ZNF407: variants seen among roughly 807,000 people sequenced by gnomAD.
ZNF407 encodes the protein zinc finger protein 407.
ZNF407 carries 17 observed loss-of-function variants against 131.2 expected under a neutral mutation model. That is an observed-to-expected ratio of 0.13 (90% CI 0.09 to 0.19). The LOEUF is 0.19. ZNF407 is among the 10% of genes least tolerant of loss of function. The pLI, the probability that ZNF407 is intolerant of heterozygous loss-of-function variation, is 1.00. For missense variants in ZNF407, 2,681 were observed against 2,830.6 expected (o/e 0.95, Z 1.20); for synonymous variants, 1,156 against 1,062.0 (o/e 1.09, Z -1.72).
rs761587590 is a variant in ZNF407, at chr18:74,632,193, T to C, written c.1174T>C (p.Leu392=). ...CACCTTAGTAACCTCAGAGGGTCTC[T>C]TAGAGAAATTGGAATCTACAAAAAA... ...LDTLVTSEGL[L]EKLESTKNTL... Residue 392 remains leucine (L), a synonymous_variant, in exon 2 of 9, where the codon TTA becomes CTA. Coordinates refer to ENST00000299687, the MANE Select transcript of ZNF407 (RefSeq NM_017757.3). The C allele has an allele frequency of 3.7e-6, 6 of 1,613,926 alleles. No homozygotes were observed. Among genetic ancestry groups the C allele is most frequent in the South Asian group, 3.3e-5 (3 of 91,086 alleles).
At chr18:74,642,371 A>T (rs764897785) in intron 3 of ZNF407, among the ~76,000 whole-genome samples, 2 of 152,148 alleles carry the variant, frequency 1.3e-5, no homozygotes, top group African/African-American at 2.4e-5. Flanking sequence ...AGTTTAAAAG[A>T]TATCTCATCT....
chr18:75,037,768 C>A (rs1290092909), intron 8 of ZNF407, among the ~76,000 whole-genome samples: 3 of 152,146 alleles, frequency 2.0e-5, no homozygotes, highest in African/African-American at 7.2e-5. Context: ...GACACAGTTC[C>A]ATTTCTGTAC....
At chr18:74,919,920 C>T (rs370308123) in intron 7 of ZNF407, among the ~76,000 whole-genome samples, 2 of 152,148 alleles carry the variant, frequency 1.3e-5, no homozygotes, top group South Asian at 2.1e-4. Flanking sequence ...ATGGGCCCTC[C>T]GTTGCATTTT....
At chr18:74,962,690 C>T (rs1185969730) in intron 8 of ZNF407, among the ~76,000 whole-genome samples, 5 of 152,232 alleles carry the variant, frequency 3.3e-5, no homozygotes, top group South Asian at 2.1e-4. Context: ...TCTTCCCTCT[C>T]CTGGTGCTGG....
chr18:74,614,063 T>A lies in ZNF407; in HGVS notation c.-54+16126T>A, dbSNP rs1599130421. Among the ~76,000 whole-genome samples the A allele has an allele frequency of 2.0e-5, 3 of 152,322 alleles. No homozygotes were observed. In the East Asian group the frequency reaches 5.8e-4, roughly 29 times the overall value. Reference sequence around the variant, plus strand: ...GAATTATGGATCAGAGTTTGATATATGATTATTGGATCACTTATAAAATGA... The same window carrying A: ...GAATTATGGATCAGAGTTTGATATAAGATTATTGGATCACTTATAAAATGA... On this transcript the variant is annotated intron_variant, in intron 1 of 8. Transcript: ENST00000299687.
intron 4 of ZNF407, among the ~76,000 whole-genome samples, chr18:74,797,290 G>A (rs1313268779): frequency 6.6e-6 from 1 of 152,250 alleles, no homozygotes; most frequent in Admixed American, 6.5e-5. Flanking sequence ...AATTTAAAAG[G>A]ACAGAATTGG....
At chr18:74,953,069 A>G (rs1204074616) in intron 8 of ZNF407, among the ~76,000 whole-genome samples, 2 of 152,056 alleles carry the variant, frequency 1.3e-5, no homozygotes, top group African/African-American at 4.8e-5. Flanking sequence ...ACGGTGAGCA[A>G]GAGAGGAGCC....
At chr18:74,796,654 T>TA (rs1369623393) in intron 4 of ZNF407, among the ~76,000 whole-genome samples, 8 of 152,222 alleles carry the variant, frequency 5.3e-5, no homozygotes, top group Non-Finnish European at 4.4e-5. Context: ...TGTGAAATGT[T>TA]AAAAAAATTG....
chr18:74,772,820 C>G (rs984088486), intron 3 of ZNF407, among the ~76,000 whole-genome samples: 1 of 151,936 alleles, frequency 6.6e-6, no homozygotes, highest in Non-Finnish European at 1.5e-5. Flanking sequence ...GGGAGAGTGC[C>G]TTGTAGCTGT....
At chr18:74,736,338 C>G (rs977216183) in intron 3 of ZNF407, among the ~76,000 whole-genome samples, 4 of 151,978 alleles carry the variant, frequency 2.6e-5, no homozygotes, top group Non-Finnish European at 4.4e-5. Flanking sequence ...AAAGGGCTTT[C>G]TACATTAGAT....
At chr18:75,037,079 T>A (rs900042669) in intron 8 of ZNF407, among the ~76,000 whole-genome samples, 3 of 152,230 alleles carry the variant, frequency 2.0e-5, no homozygotes, top group African/African-American at 7.2e-5. Context: ...GACATCCAGA[T>A]GAAAAGAGGC....
intron 3 of ZNF407, among the ~76,000 whole-genome samples, chr18:74,659,043 C>G (rs1985601758): frequency 6.6e-6 from 1 of 151,928 alleles, no homozygotes; most frequent in East Asian, 1.9e-4. Flanking sequence ...GTATTCTCCC[C>G]CAGATTTACA....
intron 4 of ZNF407, among the ~76,000 whole-genome samples, chr18:74,783,635 A>C (rs937003510): frequency 6.6e-6 from 1 of 151,922 alleles, no homozygotes; most frequent in Non-Finnish European, 1.5e-5. Flanking sequence ...CTGAATACAT[A>C]AAGGGAGATT....
intron 5 of ZNF407, among the ~76,000 whole-genome samples, chr18:74,877,635 G>A (rs1287964829): frequency 1.3e-5 from 2 of 152,080 alleles, no homozygotes; most frequent in East Asian, 3.9e-4. Context: ...GTATGTATGT[G>A]TATATATATA....
chr18:74,964,922 A>G (rs1012820852), intron 8 of ZNF407, among the ~76,000 whole-genome samples: 1 of 152,226 alleles, frequency 6.6e-6, no homozygotes, highest in Non-Finnish European at 1.5e-5. Flanking sequence ...GGCTTCTTGT[A>G]TGGCACAGAG....
intron 7 of ZNF407, among the ~76,000 whole-genome samples, chr18:74,912,511 T>C (rs1971688214): frequency 6.6e-6 from 1 of 152,234 alleles, no homozygotes; most frequent in Non-Finnish European, 1.5e-5. Flanking sequence ...ATTAAAATAC[T>C]GACAAAGGTG....
intron 4 of ZNF407, among the ~76,000 whole-genome samples, chr18:74,835,236 C>A (rs956380355): frequency 6.6e-6 from 1 of 152,192 alleles, no homozygotes; most frequent in Non-Finnish European, 1.5e-5. Context: ...ACCACACCAT[C>A]GGAGTGTGGG....
chr18:75,010,320 T>C (rs1380055284), intron 8 of ZNF407, among the ~76,000 whole-genome samples: 1 of 152,306 alleles, frequency 6.6e-6, no homozygotes, highest in East Asian at 1.9e-4. Context: ...GTGGGATGTT[T>C]TGGAGGTCCA....
At chr18:74,629,702 T>C (rs1181109689) in intron 1 of ZNF407, among the ~76,000 whole-genome samples, 2 of 152,198 alleles carry the variant, frequency 1.3e-5, no homozygotes, top group African/African-American at 2.4e-5. Flanking sequence ...ATAGCTAAAA[T>C]AGTTTAAAAT....
Sources: gnomAD v4.1 joint callset for allele counts (sites outside exome capture counted in the v4.1 genomes callset) on GRCh38, gnomAD v4.1.1 for gene constraint, MANE v1.5 for transcripts, NCBI Gene and HGNC (gene_info 2026-07-23, HGNC 2026-07-21) for gene names.